The following MAGI2 variants were observed in gnomAD, a reference collection of about 807,000 sequenced individuals.
MAGI2 encodes the protein membrane-associated guanylate kinase, WW and PDZ domain-containing protein 2.
In MAGI2, 35 loss-of-function variants were observed where a neutral mutation model predicts 133.3. The ratio of observed to expected loss-of-function variants is 0.26; its 90% CI spans 0.20 to 0.35. MAGI2 has a LOEUF of 0.35. Among genes scored for constraint, MAGI2 ranks in the 10% least tolerant of loss-of-function variants. MAGI2 has a pLI of 1.00. For missense variants in MAGI2, 1,636 were observed against 1,863.4 expected (o/e 0.88, Z 2.25); for synonymous variants, 729 against 710.6 (o/e 1.03, Z -0.41).
chr7:78,175,552 G>A (rs912196675), intron 14 of MAGI2, among the ~76,000 whole-genome samples: 2 of 152,178 alleles, frequency 1.3e-5, no homozygotes, highest in Admixed American at 1.3e-4. Context: ...GTGGGTGGGT[G>A]TTCTGTCTCA....
chr7:78,190,202 C>T (rs114867065), intron 12 of MAGI2, among the ~76,000 whole-genome samples: 1 of 152,090 alleles, frequency 6.6e-6, no homozygotes, highest in Admixed American at 6.5e-5. Context: ...TAGATTTGTA[C>T]ATATGTCTAA....
At chr7:78,791,878 T>C (rs1787180622) in intron 2 of MAGI2, among the ~76,000 whole-genome samples, 1 of 152,088 alleles carries the variant, frequency 6.6e-6, no homozygotes, top group African/African-American at 2.4e-5. Context: ...GCAAACACAG[T>C]AGGGGGTAGG....
At chr7:79,433,552 C>CA (rs201784348) in intron 1 of MAGI2, among the ~76,000 whole-genome samples, 3,963 of 118,380 alleles carry the variant, frequency 0.033, 145 homozygotes, top group African/African-American at 0.098. Context: ...GACTCTGTCT[C>CA]AAAAAAAAAA....
chr7:79,399,099 T>C (rs1361996149), intron 1 of MAGI2, among the ~76,000 whole-genome samples: 1 of 141,158 alleles, frequency 7.1e-6, no homozygotes, highest in African/African-American at 2.7e-5. Flanking sequence ...TCTTTTCTTT[T>C]TTTTTTTTTT....
chr7:79,160,624 T>C (rs73145370), intron 1 of MAGI2, among the ~76,000 whole-genome samples: 7,596 of 152,150 alleles, frequency 0.05, 261 homozygotes, highest in African/African-American at 0.095. Flanking sequence ...TAATTACATG[T>C]AATCCAAATG....
chr7:79,256,486 CTTTTTT>C (rs11303181), intron 1 of MAGI2, among the ~76,000 whole-genome samples: 1 of 82,774 alleles, frequency 1.2e-5, no homozygotes, highest in Non-Finnish European at 2.3e-5. Flanking sequence ...CTCTCTCTCT[CTTTTTT>C]TTTTTTTTTT....
chr7:79,228,354 C>CAA (rs746424350), intron 1 of MAGI2, among the ~76,000 whole-genome samples: 1,527 of 31,444 alleles, frequency 0.049, 191 homozygotes, highest in African/African-American at 0.11. Flanking sequence ...AAAAAACAGG[C>CAA]AAAAAAAAAA....
At chr7:78,660,626 A>ATAT (rs1812845451) in intron 2 of MAGI2, among the ~76,000 whole-genome samples, 2 of 152,210 alleles carry the variant, frequency 1.3e-5, no homozygotes, top group East Asian at 3.9e-4. Context: ...ATGATATGAC[A>ATAT]TATTGGTGGC....
intron 2 of MAGI2, among the ~76,000 whole-genome samples, chr7:78,892,207 C>A (rs1011202521): frequency 1.3e-5 from 2 of 152,122 alleles, no homozygotes; most frequent in Non-Finnish European, 2.9e-5. Flanking sequence ...GAACTACAAA[C>A]CACTGCTCAA....
intron 1 of MAGI2, among the ~76,000 whole-genome samples, chr7:79,307,498 TG>T (rs1472105435): frequency 6.6e-6 from 1 of 152,208 alleles, no homozygotes; most frequent in East Asian, 1.9e-4. Flanking sequence ...CTGGCAGGTC[TG>T]CTTTTCCTCC....
intron 16 of MAGI2, among the ~76,000 whole-genome samples, chr7:78,147,461 T>A (rs1823419004): frequency 6.6e-6 from 1 of 152,268 alleles, no homozygotes; most frequent in East Asian, 1.9e-4. Context: ...TAACTATATG[T>A]GTTTTCAGTT....
Position 78,445,605 on chromosome 7 carries a change from AG to A in MAGI2, c.1045+44155del, listed in dbSNP as rs553926256. ...CAATATTGACTGTTGCTACCACAAA[AG>A]TTTAGGTTCACCTGGCACTTATTCC... On this transcript the variant is annotated intron_variant, in intron 6 of 21. Coordinates refer to ENST00000354212, the MANE Select transcript of MAGI2 (RefSeq NM_012301.4). 2.1e-3 allele frequency among the ~76,000 whole-genome samples: 321 copies of A among 152,182 alleles called. 2 individuals carry two copies. Among genetic ancestry groups the A allele is most frequent in the Middle Eastern group, 0.014 (4 of 294 alleles).
intron 9 of MAGI2, among the ~76,000 whole-genome samples, chr7:78,287,611 A>T (rs1006819861): frequency 5.3e-5 from 8 of 152,180 alleles, no homozygotes; most frequent in Non-Finnish European, 7.3e-5. Flanking sequence ...ATCTGTATAG[A>T]TGACTACTGA....
intron 2 of MAGI2, among the ~76,000 whole-genome samples, chr7:78,709,205 A>G (rs1818935015): frequency 6.6e-6 from 1 of 152,140 alleles, no homozygotes; most frequent in African/African-American, 2.4e-5. Flanking sequence ...CTAATGAGAT[A>G]GAGCTCATGG....
chr7:79,453,387 G>C lies in MAGI2; in HGVS notation c.-67C>G. 6.6e-7 allele frequency: 1 copy of C among 1,524,692 alleles called. No homozygotes were observed. Among genetic ancestry groups the C allele is most frequent in the Non-Finnish European group, 8.8e-7 (1 of 1,140,414 alleles). 94.4% of individuals were successfully genotyped at this position (1,524,692 alleles called of 1,614,324 possible). A position where few individuals can be genotyped will look rare whatever the true frequency, so the allele number is the denominator to read the frequency against. ...TTAGGGGGGCTGGTGGTGAGAGAAT[G>C]AGGATGGAGGAGCAAGGGGGCCCAG... On this transcript the variant is annotated 5_prime_UTR_variant, in exon 1 of 22. Coordinates refer to ENST00000354212, the MANE Select transcript of MAGI2 (RefSeq NM_012301.4).
intron 3 of MAGI2, among the ~76,000 whole-genome samples, chr7:78,595,955 T>A (rs778527128): frequency 1.3e-5 from 2 of 152,098 alleles, no homozygotes; most frequent in Non-Finnish European, 2.9e-5. Context: ...TTTGGTAGAT[T>A]TTGAATAGAG....
Position 78,551,182 on chromosome 7 carries a change from G to T in MAGI2, c.539-29537C>A, listed in dbSNP as rs138139995. On this transcript the variant is annotated intron_variant, in intron 3 of 21. Coordinates refer to ENST00000354212, the MANE Select transcript of MAGI2 (RefSeq NM_012301.4). ...CTTGTATAGTACAATTTTTATCATT[G>T]ACTTAGCCAAATCAGTATATATTAA... Among the ~76,000 whole-genome samples, 707 of 152,166 alleles carry T rather than the reference G, an allele frequency of 4.6e-3. 3 individuals are homozygous for T. Among genetic ancestry groups the T allele is most frequent in the African/African-American group, 0.016 (653 of 41,504 alleles).
chr7:78,659,424 CAAAAAAAAA>C (rs71085553), intron 2 of MAGI2, among the ~76,000 whole-genome samples: 5 of 23,674 alleles, frequency 2.1e-4, no homozygotes, highest in Admixed American at 7.3e-4. Flanking sequence ...GACTTCATCT[CAAAAAAAAA>C]AAAAAAAAAA....
At chr7:79,344,789 T>C (rs960344103) in intron 1 of MAGI2, among the ~76,000 whole-genome samples, 5 of 152,066 alleles carry the variant, frequency 3.3e-5, no homozygotes, top group Admixed American at 2.0e-4. Context: ...AATATAAATG[T>C]GGCATTTACC....
Sources: allele counts gnomAD v4.1 joint callset (sites outside exome capture counted in the v4.1 genomes callset), GRCh38; gene constraint gnomAD v4.1.1; transcripts MANE v1.5; gene names NCBI Gene and HGNC (gene_info 2026-07-23, HGNC 2026-07-21).